WIPF3: variants seen among roughly 807,000 people sequenced by gnomAD.
WIPF3 encodes WAS/WASL interacting protein family member 3, also known as WAS/WASL-interacting protein family member 3.
A neutral mutation model predicts 38.9 loss-of-function variants in WIPF3; 33 were observed. The observed-to-expected ratio is 0.85, with a 90% CI of 0.64 to 1.14. The LOEUF is 1.14. Ranked by LOEUF, WIPF3 falls within the 50% of genes most tolerant of loss-of-function variation. The pLI is 0.00. For missense variants in WIPF3, 711 were observed against 652.5 expected, an observed-to-expected ratio of 1.09 and a Z score of -0.98; for synonymous variants, 324 against 269.3, an observed-to-expected ratio of 1.20 and a Z score of -1.99.
At chr7:29,859,569 A>G (rs575658852) in intron 2 of WIPF3, among the ~76,000 whole-genome samples, 1 of 152,286 alleles carries the variant, frequency 6.6e-6, no homozygotes, top group Admixed American at 6.5e-5. Flanking sequence ...CATGAGGAAT[A>G]CAGCAGAGAC....
intron 2 of WIPF3, among the ~76,000 whole-genome samples, chr7:29,874,987 C>T (rs767397792): frequency 1.9e-4 from 29 of 152,274 alleles, no homozygotes; most frequent in Non-Finnish European, 3.5e-4. Context: ...AGCCCTGTAG[C>T]CTCAAACAGA....
At position 29,884,206 on chromosome 7, in the gene WIPF3, C is replaced by A. The variant is rs565199901; in HGVS notation, c.712C>A (p.Pro238Thr). 9 of 1,523,428 alleles carry A rather than the reference C, an allele frequency of 5.9e-6. No individual in the cohort carries two copies. Among genetic ancestry groups the A allele is most frequent in the Admixed American group, 2.1e-5 (1 of 48,514 alleles). The allele number at this position is 1,523,428 out of a possible 1,614,324, so 94.4% of individuals were successfully genotyped here. Reference protein sequence around the residue: ...PPPPPTPPPLPPASVLSDKAV... With the variant: ...PPPPPTPPPLTPASVLSDKAV... ...ACCTCCCCCAACGCCACCCCCGCTG[C>A]CCCCGGCCTCGGTTCTTAGTGACAA... is the stretch of plus-strand genomic sequence containing the variant. Residue 238 changes from proline (P) to threonine (T), a missense_variant, in exon 5 of 9, where the codon CCC becomes ACC. Coordinates refer to ENST00000242140, the MANE Select transcript of WIPF3 (RefSeq NM_001080529.3).
chr7:29,914,828 C>G lies in WIPF3; in HGVS notation c.*312C>G. ...CTGTGAATCTGCTTGCAGGCTGGCC[C>G]TTCCTAGATTCTGAACCGTTTGTAG... On this transcript the variant is annotated 3_prime_UTR_variant, in exon 9 of 9. Transcript: ENST00000242140. The G allele has an allele frequency of 4.7e-6, 1 of 214,314 alleles. No individual in the cohort carries two copies. The allele number at this position is 214,314 out of a possible 1,614,324, so 13.3% of individuals were successfully genotyped here.
chr7:29,871,423 C>T (rs1785495093), intron 2 of WIPF3, among the ~76,000 whole-genome samples: 1 of 152,164 alleles, frequency 6.6e-6, no homozygotes, highest in Non-Finnish European at 1.5e-5. Context: ...TCAATGGCCA[C>T]ATTGGAGAAG....
At chr7:29,906,683 G>A (rs149915048) in intron 8 of WIPF3, among the ~76,000 whole-genome samples, 11 of 152,258 alleles carry the variant, frequency 7.2e-5, no homozygotes, top group African/African-American at 2.6e-4. Flanking sequence ...CATCCAAAAT[G>A]CTCAGTAAAG....
chr7:29,823,487 T>C lies in WIPF3; in HGVS notation c.-57-11181T>C, dbSNP rs1260107629. On this transcript the variant is annotated intron_variant, in intron 1 of 8. Transcript: ENST00000242140. This position sits in a 1 kb window ranked among gnomAD's most constrained non-coding sequence, Gnocchi z 4.0. Reference sequence around the variant, plus strand: ...TTCTTTAATAATCATTAAGATGATATCTCATTTCTAGATTCACATATAACT... The same window carrying C: ...TTCTTTAATAATCATTAAGATGATACCTCATTTCTAGATTCACATATAACT... Among the ~76,000 whole-genome samples the C allele has an allele frequency of 2.0e-5, 3 of 152,250 alleles. No individual in the cohort carries two copies. Among genetic ancestry groups the C allele is most frequent in the Non-Finnish European group, 4.4e-5 (3 of 68,046 alleles).
chr7:29,857,877 G>A (rs557459693), intron 2 of WIPF3, among the ~76,000 whole-genome samples: 1 of 152,204 alleles, frequency 6.6e-6, no homozygotes, highest in Non-Finnish European at 1.5e-5. Flanking sequence ...CTCTCCCACT[G>A]TGCACATCAA....
Position 29,881,709 on chromosome 7 carries a change from T to G in WIPF3, c.356-2141T>G, listed in dbSNP as rs1036407806. ...GAGTAAACATTATTTCTGGGTTGAATAGAATATGTAATGAGACTTCCAAGG... is the reference window on the plus strand; with the variant it reads ...GAGTAAACATTATTTCTGGGTTGAAGAGAATATGTAATGAGACTTCCAAGG... On this transcript the variant is annotated intron_variant, in intron 4 of 8. Transcript: ENST00000242140. Among the ~76,000 whole-genome samples, 4 of 152,230 alleles carry G rather than the reference T, an allele frequency of 2.6e-5. No individual in the cohort carries two copies. The East Asian group carries it at 7.7e-4, about 29-fold the overall frequency.
At chr7:29,824,235 T>TG (rs2128063378) in intron 1 of WIPF3, among the ~76,000 whole-genome samples, 1 of 152,214 alleles carries the variant, frequency 6.6e-6, no homozygotes, top group African/African-American at 2.4e-5. Context: ...TTGGCCCTGG[T>TG]GGGGCAGAGC....
At position 29,884,612 on chromosome 7, in the gene WIPF3, C is replaced by T. The variant is rs1320747974; in HGVS notation, c.1099+19C>T. On this transcript the variant is annotated intron_variant, in intron 5 of 8. Coordinates refer to ENST00000242140, the MANE Select transcript of WIPF3 (RefSeq NM_001080529.3). ...CGACCAGGTAAGGAGCGCTGCCTGG[C>T]CCAGTGCCCCTGGTGGAGTGCGATA... 1.9e-6 allele frequency: 3 copies of T among 1,592,198 alleles called. No individual in the cohort carries two copies. Among genetic ancestry groups the T allele is most frequent in the Non-Finnish European group, 1.7e-6 (2 of 1,171,606 alleles).
intron 7 of WIPF3, among the ~76,000 whole-genome samples, chr7:29,897,963 C>T (rs1156397292): frequency 1.3e-5 from 2 of 152,164 alleles, no homozygotes; most frequent in Non-Finnish European, 2.9e-5. Flanking sequence ...TCTCTCTGGA[C>T]CTACTCTGGT....
At chr7:29,896,206 G>C (rs1442930955) in intron 7 of WIPF3, among the ~76,000 whole-genome samples, 6 of 150,856 alleles carry the variant, frequency 4.0e-5, no homozygotes, top group African/African-American at 1.2e-4. Flanking sequence ...CTGCTGGGGA[G>C]GCTCAGGCAG....
At chr7:29,829,429 G>A (rs1245388425) in intron 1 of WIPF3, among the ~76,000 whole-genome samples, 1 of 151,956 alleles carries the variant, frequency 6.6e-6, no homozygotes. Flanking sequence ...ATGTTGGCCA[G>A]GCTGGTTTGG....
Position 29,878,924 on chromosome 7 carries a change from C to T in WIPF3, c.224-85C>T. The T allele has an allele frequency of 6.8e-7, 1 of 1,466,270 alleles. No homozygotes were observed. The highest frequency in any genetic ancestry group is 9.2e-7 in the Non-Finnish European group (1 of 1,081,642). 90.8% of individuals were successfully genotyped at this position (1,466,270 alleles called of 1,614,324 possible). A position where few individuals can be genotyped will look rare whatever the true frequency, so the allele number is the denominator to read the frequency against. The stretch of plus-strand genomic sequence containing the variant: ...GAAGGCTGACAAGGGCAGTGGTAGA[C>T]CAGTGTTAGACCATGGTCTGAAATG... On this transcript the variant is annotated intron_variant, in intron 3 of 8. Coordinates refer to ENST00000242140, the MANE Select transcript of WIPF3 (RefSeq NM_001080529.3). This position sits in a 1 kb window ranked among gnomAD's most constrained non-coding sequence, Gnocchi z 4.0.
chr7:29,850,473 G>A (rs1785075377), intron 2 of WIPF3, among the ~76,000 whole-genome samples: 1 of 152,178 alleles, frequency 6.6e-6, no homozygotes, highest in South Asian at 2.1e-4. Context: ...GAAGGTTTTG[G>A]AGCCAAACTC....
chr7:29,911,805 G>T (rs1786510231), intron 8 of WIPF3, among the ~76,000 whole-genome samples: 1 of 152,094 alleles, frequency 6.6e-6, no homozygotes, highest in Non-Finnish European at 1.5e-5. Context: ...AGACCTAAAT[G>T]TAGGACCTGA....
At chr7:29,875,770 C>T in intron 2 of WIPF3, 60 bp from the exon 3 acceptor site, 1 of 1,585,030 alleles carries the variant, frequency 6.3e-7, no homozygotes, top group Non-Finnish European at 8.6e-7. Context: ...TGACAGCAGA[C>T]AGGACATTTT....
At chr7:29,904,473 C>A in intron 8 of WIPF3, 111 bp downstream of exon 8, 1 of 1,084,256 alleles carries the variant, frequency 9.2e-7, no homozygotes, top group Non-Finnish European at 1.4e-6. Flanking sequence ...TCCTCACACT[C>A]CTTTTCCTCA....
At chr7:29,861,349 C>A (rs146100092) in intron 2 of WIPF3, among the ~76,000 whole-genome samples, 101 of 152,154 alleles carry the variant, frequency 6.6e-4, no homozygotes, top group African/African-American at 2.3e-3. Context: ...TATATTTGAC[C>A]TTTTGTCCAT....
Sources: gnomAD v4.1 joint callset for allele counts (sites outside exome capture counted in the v4.1 genomes callset) on GRCh38, gnomAD v4.1.1 for gene constraint, Gnocchi (gnomAD v3.1) non-coding constraint, MANE v1.5 for transcripts, NCBI Gene and HGNC (gene_info 2026-07-23, HGNC 2026-07-21) for gene names.